PCDHA13: variants seen among roughly 807,000 people sequenced by gnomAD.
The protein encoded by PCDHA13 is protocadherin alpha 13, also known as protocadherin alpha-13.
PCDHA13 carries 54 observed loss-of-function variants against 64.8 expected under a neutral mutation model. That is an observed-to-expected ratio of 0.83 (90% CI 0.67 to 1.04). PCDHA13 has a LOEUF of 1.04. PCDHA13 is among the 50% of genes least tolerant of loss of function. The pLI, the probability that PCDHA13 is intolerant of heterozygous loss-of-function variation, is 0.00. For synonymous variants in PCDHA13, 587 were observed against 564.4 expected (o/e 1.04, Z -0.57); for missense variants, 1,248 against 1,254.3 (o/e 0.99, Z 0.08).
At chr5:140,968,189 T>C (rs181004208) in intron 1 of PCDHA13, 2 of 1,614,034 alleles carry the variant, frequency 1.2e-6, no homozygotes, top group Middle Eastern at 1.6e-4. Flanking sequence ...GGACTCCTAT[T>C]CCATCTACAT....
chr5:140,997,781 C>G (rs1207024588), intron 3 of PCDHA13, among the ~76,000 whole-genome samples: 1 of 151,626 alleles, frequency 6.6e-6, no homozygotes, highest in Non-Finnish European at 1.5e-5. Context: ...TGTTGTATAC[C>G]TATATTATAA....
intron 1 of PCDHA13, among the ~76,000 whole-genome samples, chr5:140,939,081 G>A (rs547616686): frequency 1.3e-5 from 2 of 152,222 alleles, no homozygotes; most frequent in African/African-American, 2.4e-5. Context: ...GCATAAACTG[G>A]GTGGCTTAAA....
At chr5:140,992,918 A>C (rs1362238628) in intron 3 of PCDHA13, among the ~76,000 whole-genome samples, 2 of 152,186 alleles carry the variant, frequency 1.3e-5, no homozygotes, top group Non-Finnish European at 2.9e-5. Context: ...GGCCCTCTCC[A>C]TACTTACAGC....
chr5:140,897,461 A>G (rs1374397258), intron 1 of PCDHA13, among the ~76,000 whole-genome samples: 5 of 151,630 alleles, frequency 3.3e-5, no homozygotes, highest in African/African-American at 4.8e-5. Flanking sequence ...TCCTTGCGAT[A>G]GTTTACTGAG....
intron 1 of PCDHA13, among the ~76,000 whole-genome samples, chr5:140,885,900 C>G (rs1387318205): frequency 6.6e-6 from 1 of 152,120 alleles, no homozygotes; most frequent in Non-Finnish European, 1.5e-5. Flanking sequence ...GAAAAGTTCT[C>G]TGTACCTTAT....
intron 1 of PCDHA13, among the ~76,000 whole-genome samples, chr5:140,894,320 G>T (rs191376863): frequency 1.1e-3 from 163 of 152,016 alleles, no homozygotes; most frequent in Non-Finnish European, 1.7e-3. Flanking sequence ...TTAAATTATA[G>T]ATTTTAGTAT....
At chr5:140,977,836 T>C (rs1300356505) in intron 1 of PCDHA13, among the ~76,000 whole-genome samples, 1 of 152,236 alleles carries the variant, frequency 6.6e-6, no homozygotes, top group African/African-American at 2.4e-5. Flanking sequence ...TCTATTGATA[T>C]TACTATGGCT....
intron 1 of PCDHA13, among the ~76,000 whole-genome samples, chr5:140,916,262 G>C (rs1379588605): frequency 6.6e-6 from 1 of 152,202 alleles, no homozygotes; most frequent in Non-Finnish European, 1.5e-5. Flanking sequence ...GACCCCAAGA[G>C]CATGCTTGTT....
At chr5:140,937,067 T>C (rs2091302961) in intron 1 of PCDHA13, among the ~76,000 whole-genome samples, 1 of 148,650 alleles carries the variant, frequency 6.7e-6, no homozygotes, top group South Asian at 2.1e-4. Flanking sequence ...AGACGGAGTC[T>C]CGCTCTGTCG....
At chr5:140,897,758 C>T (rs2066305789) in intron 1 of PCDHA13, among the ~76,000 whole-genome samples, 3 of 152,140 alleles carry the variant, frequency 2.0e-5, no homozygotes, top group Non-Finnish European at 4.4e-5. Context: ...CCTGAGGAAT[C>T]GCCACACTGA....
chr5:140,909,895 C>A (rs1296442880), intron 1 of PCDHA13, among the ~76,000 whole-genome samples: 1 of 152,152 alleles, frequency 6.6e-6, no homozygotes, highest in Non-Finnish European at 1.5e-5. Context: ...GTTCAGTAGT[C>A]CCTGAAATGG....
rs1554178423 is a variant in PCDHA13, at chr5:140,883,483, C to T, written c.1215C>T (p.Tyr405=). ...FKLVSTYKNY[Y]SLVLDSALDR... is the part of the protein sequence containing the mutation. ...TGGTGTCCACCTACAAGAACTACTA[C>T]TCATTAGTGCTGGACAGCGCCCTGG... The change falls in exon 1 of 4, where the codon TAC becomes TAT. Residue 405 remains tyrosine (Y), a synonymous_variant. Coordinates refer to ENST00000289272, the MANE Select transcript of PCDHA13 (RefSeq NM_018904.3). 2 of 1,614,078 alleles carry T rather than the reference C, an allele frequency of 1.2e-6. No individual in the cohort carries two copies. Among genetic ancestry groups the T allele is most frequent in the African/African-American group, 2.7e-5 (2 of 74,938 alleles).
rs782439139 is a variant in PCDHA13 at position 140,884,656 on chromosome 5, G to C, written c.2388G>C (p.Leu796Phe). 1.9e-6 allele frequency: 3 copies of C among 1,602,178 alleles called. No homozygotes were observed. The highest frequency in any genetic ancestry group is 1.7e-5 in the Admixed American group (1 of 57,482). ...TGQREEDSECLKEPRQPNPDW... is the reference protein window; with the variant it reads ...TGQREEDSECFKEPRQPNPDW... The stretch of plus-strand genomic sequence containing the variant: ...AGAGGGAGGAGGACTCAGAATGCTT[G>C]AAAGAGGTAAGCTTATATTTTAAAA... Residue 796 changes from leucine to phenylalanine, a missense_variant, in exon 1 of 4, where the codon TTG becomes TTC. Coordinates refer to ENST00000289272, the MANE Select transcript of PCDHA13 (RefSeq NM_018904.3).
At chr5:140,967,492 G>C in intron 1 of PCDHA13, 1 of 1,613,380 alleles carries the variant, frequency 6.2e-7, no homozygotes, top group Non-Finnish European at 8.5e-7. Flanking sequence ...GTACGGCACA[G>C]ATCTCTGTGC....
chr5:140,917,338 G>GGGGGGGGGGGGGGGGGA (rs2078134893), intron 1 of PCDHA13, among the ~76,000 whole-genome samples: 1 of 137,894 alleles, frequency 7.3e-6, no homozygotes, highest in Non-Finnish European at 1.6e-5. Flanking sequence ...GGAGGGGGGG[G>GGGGGGGGGGGGGGGGGA]ATGGTGTAGG....
At chr5:140,945,762 G>A (rs570176768) in intron 1 of PCDHA13, among the ~76,000 whole-genome samples, 122 of 152,196 alleles carry the variant, frequency 8.0e-4, no homozygotes, top group South Asian at 2.3e-3. Context: ...ATGGTGGTGG[G>A]ACAATTTGAT....
At position 140,883,975 on chromosome 5, in the gene PCDHA13, G is replaced by A. The variant is rs1167945773; in HGVS notation, c.1707G>A (p.Gly569=). 2 of 1,612,842 alleles carry A rather than the reference G, an allele frequency of 1.2e-6. No homozygotes were observed. The highest frequency in any genetic ancestry group is 2.7e-5 in the African/African-American group (2 of 74,936). ...ACGCTCCGGCGCTGCTGACGCCCGGGGCTGGCAGCGCGGGAGGCACAGTGA... is the reference window on the plus strand; with the variant it reads ...ACGCTCCGGCGCTGCTGACGCCCGGAGCTGGCAGCGCGGGAGGCACAGTGA... ...NDNAPALLTP[G]AGSAGGTVSE... is the part of the protein sequence containing the mutation. Residue 569 remains glycine, a synonymous_variant, in exon 1 of 4, where the codon GGG becomes GGA. Coordinates refer to ENST00000289272, the MANE Select transcript of PCDHA13 (RefSeq NM_018904.3).
In PCDHA13 at chr5:140,882,457, G is replaced by A. The variant is rs781908788; in HGVS notation, c.189G>A (p.Leu63=). 1.2e-6 allele frequency: 2 copies of A among 1,613,938 alleles called. No individual in the cohort carries two copies. Among genetic ancestry groups the A allele is most frequent in the East Asian group, 2.2e-5 (1 of 44,896 alleles). Residue 63 remains leucine (L), a synonymous_variant, in exon 1 of 4, where the codon CTG becomes CTA. Transcript: ENST00000289272. ...AGCTGGCGGAGCTGGTGCCGCGCCT[G>A]TTCCGGGTGGCGTCCAAAAGACACG... The part of the protein sequence containing the change: ...GLELAELVPR[L]FRVASKRHGD...
At chr5:140,938,827 C>T (rs905501922) in intron 1 of PCDHA13, among the ~76,000 whole-genome samples, 4 of 151,880 alleles carry the variant, frequency 2.6e-5, no homozygotes, top group Non-Finnish European at 4.4e-5. Context: ...CATGAGTTTG[C>T]GTTATAACAA....
Sources: gnomAD v4.1 joint callset for allele counts (sites outside exome capture counted in the v4.1 genomes callset) on GRCh38, gnomAD v4.1.1 for gene constraint, MANE v1.5 for transcripts, NCBI Gene and HGNC (gene_info 2026-07-23, HGNC 2026-07-21) for gene names.